The following ASPH variants were observed in gnomAD, a reference collection of about 807,000 sequenced individuals.
ASPH encodes aspartate beta-hydroxylase, also known as aspartyl/asparaginyl beta-hydroxylase.
A neutral mutation model predicts 118.4 loss-of-function variants in ASPH; 100 were observed. The ratio of observed to expected loss-of-function variants is 0.84; its 90% CI spans 0.72 to 1.00. The LOEUF (loss-of-function observed/expected upper bound fraction) is 1.00, where lower values mean the gene tolerates loss of function less well. Ranked by LOEUF, ASPH falls within the 50% of genes least tolerant of loss-of-function variation. The pLI is 0.00. For synonymous variants in ASPH, 315 were observed against 325.6 expected (o/e 0.97, Z 0.35); for missense variants, 920 against 919.5 (o/e 1.00, Z -0.01).
intron 2 of ASPH, chr8:61,682,289 T>C (rs554997437): frequency 6.5e-5 from 49 of 748,580 alleles, no homozygotes; most frequent in Middle Eastern, 2.5e-4. Flanking sequence ...CAGTAAAAGA[T>C]AGAAAATACT....
chr8:61,663,699 A>T, intron 3 of ASPH: 1 of 979,316 alleles, frequency 1.0e-6, no homozygotes, highest in Non-Finnish European at 1.2e-6. Flanking sequence ...ATCAGGTTAC[A>T]ATATCTTCAG....
chr8:61,683,986 A>G, intron 2 of ASPH, 53 bp downstream of exon 2: 1 of 1,584,262 alleles, frequency 6.3e-7, no homozygotes. Context: ...AAGACTCCTA[A>G]GAGATGTCAC....
At chr8:61,552,408 AC>A (rs2131086331) in intron 20 of ASPH, among the ~76,000 whole-genome samples, 1 of 152,336 alleles carries the variant, frequency 6.6e-6, no homozygotes, top group South Asian at 2.1e-4. Flanking sequence ...GAAACATGGA[AC>A]TTTTTTAGCT....
In ASPH at chr8:61,714,470, A is replaced by G. The variant is rs1015138119; in HGVS notation, c.-99T>C. On this transcript the variant is annotated 5_prime_UTR_variant, in exon 1 of 25. Coordinates refer to ENST00000379454, the MANE Select transcript of ASPH (RefSeq NM_004318.4). ...ACCGCTGGCGGCGGCGGGCCGCTGG[A>G]GCGGGTTCGGGCCGCTGCTCCTGCA... is the stretch of plus-strand genomic sequence containing the variant. 7.3e-7 allele frequency: 1 copy of G among 1,361,030 alleles called. No individual in the cohort carries two copies. Among genetic ancestry groups the G allele is most frequent in the Non-Finnish European group, 9.5e-7 (1 of 1,057,448 alleles). 84.3% of individuals were successfully genotyped at this position (1,361,030 alleles called of 1,614,324 possible).
intron 3 of ASPH, chr8:61,675,904 G>A (rs373673237): frequency 3.5e-5 from 49 of 1,418,638 alleles, no homozygotes; most frequent in Admixed American, 1.4e-4. Context: ...GGAGCTGAGC[G>A]AGCAAGGGAC....
chr8:61,608,567 A>G (rs1405257809), intron 14 of ASPH, among the ~76,000 whole-genome samples: 2 of 152,176 alleles, frequency 1.3e-5, no homozygotes, highest in Non-Finnish European at 2.9e-5. Context: ...TGTTGGCTTT[A>G]TATTTTATTA....
chr8:61,548,702 GGCGTCAGAGT>G (rs1824792148), intron 20 of ASPH, among the ~76,000 whole-genome samples: 1 of 152,134 alleles, frequency 6.6e-6, no homozygotes, highest in African/African-American at 2.4e-5. Context: ...GTCACACCAA[GGCGTCAGAGT>G]GCAAACCCTC....
intron 14 of ASPH, among the ~76,000 whole-genome samples, chr8:61,618,739 G>A (rs1470686981): frequency 6.6e-6 from 1 of 152,176 alleles, no homozygotes; most frequent in Non-Finnish European, 1.5e-5. Flanking sequence ...TCCCAAGGAC[G>A]CAAGAGTGCA....
At chr8:61,627,395 AG>A (rs1226247988) in intron 13 of ASPH, among the ~76,000 whole-genome samples, 20 of 152,360 alleles carry the variant, frequency 1.3e-4, no homozygotes, top group African/African-American at 4.8e-4. Flanking sequence ...ACGATGATCC[AG>A]TTCACAAGAG....
At chr8:61,695,210 T>G (rs527363726) in intron 1 of ASPH, among the ~76,000 whole-genome samples, 1 of 152,362 alleles carries the variant, frequency 6.6e-6, no homozygotes, top group Non-Finnish European at 1.5e-5. Context: ...TTCAATAACT[T>G]AGCATACACT....
chr8:61,535,603 T>A (rs2129784328), intron 21 of ASPH, among the ~76,000 whole-genome samples: 1 of 152,252 alleles, frequency 6.6e-6, no homozygotes, highest in East Asian at 1.9e-4. Context: ...TAAATTGGAG[T>A]TAGAATGAAT....
intron 3 of ASPH, among the ~76,000 whole-genome samples, chr8:61,672,130 C>G (rs185494544): frequency 6.6e-6 from 1 of 152,206 alleles, no homozygotes; most frequent in East Asian, 1.9e-4. Flanking sequence ...ATCCTGTTAG[C>G]GAGACAGACT....
chr8:61,630,006 A>G (rs947117647), intron 13 of ASPH, among the ~76,000 whole-genome samples: 3 of 152,170 alleles, frequency 2.0e-5, no homozygotes, highest in Non-Finnish European at 4.4e-5. Context: ...TAGAACTATT[A>G]AAGGTCAATC....
chr8:61,633,596 C>T (rs899645149), intron 13 of ASPH, 87 bp downstream of exon 13: 24 of 1,189,722 alleles, frequency 2.0e-5, no homozygotes, highest in African/African-American at 6.2e-5. Flanking sequence ...TTTTATCCTT[C>T]GTAGATTCAT....
At chr8:61,549,946 T>C (rs1354295747) in intron 20 of ASPH, among the ~76,000 whole-genome samples, 1 of 152,194 alleles carries the variant, frequency 6.6e-6, no homozygotes, top group East Asian at 1.9e-4. Context: ...ACATGCTAGA[T>C]GTCTGGGCAA....
Position 61,640,846 on chromosome 8 carries a change from A to T in ASPH, c.790+2042T>A, listed in dbSNP as rs1287794276. 2.0e-5 allele frequency among the ~76,000 whole-genome samples: 3 copies of T among 152,222 alleles called. No individual in the cohort carries two copies. In the East Asian group the frequency reaches 5.8e-4, roughly 29 times the overall value. ...ATGTAGGCATGATGATTTCTAGGTT[A>T]TCTTTGATGTAGAAGCTGGTTCCTA... On this transcript the variant is annotated intron_variant, in intron 10 of 24. Coordinates refer to ENST00000379454, the MANE Select transcript of ASPH (RefSeq NM_004318.4).
In ASPH at chr8:61,651,109, T is replaced by G; in HGVS notation, c.431A>C (p.Glu144Ala). ...CTGAATTTGTTCTTTTGCTTCATCTTCGATATTCTGGGGTTCTAAAATAAT... is the reference window on the plus strand; with the variant it reads ...CTGAATTTGTTCTTTTGCTTCATCTGCGATATTCTGGGGTTCTAAAATAAT... ...VPVEAEPQNIEDEAKEQIQSL... is the reference protein window; with the variant it reads ...VPVEAEPQNIADEAKEQIQSL... Residue 144 changes from glutamate to alanine, a missense_variant, in exon 5 of 25, where the codon GAA (glutamate) becomes GCA (alanine). By Grantham distance (107) the Glu-to-Ala change is moderately radical. Coordinates refer to ENST00000379454, the MANE Select transcript of ASPH (RefSeq NM_004318.4). The G allele has an allele frequency of 6.2e-7, 1 of 1,613,750 alleles. No homozygotes were observed. Among genetic ancestry groups the G allele is most frequent in the Non-Finnish European group, 8.5e-7 (1 of 1,179,864 alleles).
At chr8:61,626,008 AAAG>A in intron 13 of ASPH, 1 of 1,207,712 alleles carries the variant, frequency 8.3e-7, no homozygotes, top group South Asian at 4.3e-5. Flanking sequence ...CAAAAAGAAA[AAAG>A]AAATCCAATG....
At chr8:61,625,925 A>G (rs1016611857) in intron 13 of ASPH, 2 of 1,068,682 alleles carry the variant, frequency 1.9e-6, no homozygotes, top group African/African-American at 3.3e-5. Context: ...AATTGCTGCT[A>G]CATCACCAAT....
Sources: gnomAD v4.1 joint callset for allele counts (sites outside exome capture counted in the v4.1 genomes callset) on GRCh38, gnomAD v4.1.1 for gene constraint, MANE v1.5 for transcripts, NCBI Gene and HGNC (gene_info 2026-07-23, HGNC 2026-07-21) for gene names.